Variants in ENTREP2 observed in about 807,000 individuals in gnomAD.
The protein encoded by ENTREP2 is protein ENTREP2.
chr15:29,356,275 T>C, the ENTREP2 span, among the ~76,000 whole-genome samples: 2 of 48,168 alleles, frequency 4.2e-5, no homozygotes, highest in Non-Finnish European at 8.4e-5. Flanking sequence ...TGTGTATATA[T>C]ATATATATAT....
chr15:29,607,837 C>CAGAT, the ENTREP2 span, among the ~76,000 whole-genome samples: 15,584 of 131,232 alleles, frequency 0.12, 1,329 homozygotes, highest in African/African-American at 0.28. Context: ...GACAGACAGA[C>CAGAT]AGACAGATAG....
At chr15:29,424,361 T>C in the ENTREP2 span, among the ~76,000 whole-genome samples, 2 of 152,158 alleles carry the variant, frequency 1.3e-5, no homozygotes, top group Non-Finnish European at 2.9e-5. Flanking sequence ...TACAGAGTGC[T>C]GATTGGTCCC....
At chr15:29,205,895 CT>C in the ENTREP2 span, among the ~76,000 whole-genome samples, 1 of 152,224 alleles carries the variant, frequency 6.6e-6, no homozygotes, top group South Asian at 2.1e-4. Flanking sequence ...TTTTTGCTTC[CT>C]TTGTCTCAAG....
the ENTREP2 span, among the ~76,000 whole-genome samples, chr15:29,317,906 G>A: frequency 6.6e-6 from 1 of 152,182 alleles, no homozygotes; most frequent in African/African-American, 2.4e-5. Context: ...GCCCACTCTG[G>A]CTAGCTCTCA....
the ENTREP2 span, among the ~76,000 whole-genome samples, chr15:29,298,395 G>T: frequency 5.3e-5 from 8 of 151,842 alleles, no homozygotes; most frequent in African/African-American, 1.9e-4. Context: ...AGAAAGCAAT[G>T]AAATAAAATT....
the ENTREP2 span, among the ~76,000 whole-genome samples, chr15:29,478,004 T>G: frequency 2.7e-5 from 2 of 75,220 alleles, 1 homozygote; most frequent in East Asian, 6.7e-4. Context: ...TATATATATA[T>G]ATATATATAT....
chr15:29,301,517 A>T, the ENTREP2 span, among the ~76,000 whole-genome samples: 4 of 152,212 alleles, frequency 2.6e-5, no homozygotes, highest in East Asian at 7.7e-4. Context: ...CTTAGTAAAT[A>T]AATATGGTTT....
the ENTREP2 span, among the ~76,000 whole-genome samples, chr15:29,442,723 G>C: frequency 1.3e-5 from 2 of 152,154 alleles, no homozygotes; most frequent in Non-Finnish European, 2.9e-5. Context: ...CGTGCCCCCC[G>C]ACCTGGAAAG....
chr15:29,613,317 G>T, the ENTREP2 span: 2 of 210,480 alleles, frequency 9.5e-6, no homozygotes, highest in South Asian at 6.9e-5. Context: ...CTTTGTTTTC[G>T]GTCAGTTTGG....
chr15:29,198,153 G>T, the ENTREP2 span, among the ~76,000 whole-genome samples: 1 of 152,168 alleles, frequency 6.6e-6, no homozygotes, highest in Admixed American at 6.5e-5. Context: ...GGTGGGCTTT[G>T]CGAGTGGCTT....
the ENTREP2 span, among the ~76,000 whole-genome samples, chr15:29,300,177 T>C: frequency 1.4e-5 from 2 of 148,066 alleles, no homozygotes; most frequent in Non-Finnish European, 3.0e-5. Flanking sequence ...GATGGATGGA[T>C]GGATGGATGG....
the ENTREP2 span, among the ~76,000 whole-genome samples, chr15:29,290,692 T>C: frequency 6.6e-6 from 1 of 152,230 alleles, no homozygotes; most frequent in Non-Finnish European, 1.5e-5. Flanking sequence ...TGCTGACTGA[T>C]GCTGTCTGTG....
chr15:29,521,697 T>G, the ENTREP2 span, among the ~76,000 whole-genome samples: 1 of 152,106 alleles, frequency 6.6e-6, no homozygotes, highest in African/African-American at 2.4e-5. Context: ...AGACACCCTA[T>G]AGCAATTCAG....
chr15:29,526,086 C>G, the ENTREP2 span, among the ~76,000 whole-genome samples: 1 of 152,282 alleles, frequency 6.6e-6, no homozygotes, highest in African/African-American at 2.4e-5. Context: ...AAGGTACATT[C>G]TATACCCTGA....
the ENTREP2 span, among the ~76,000 whole-genome samples, chr15:29,557,109 C>T: frequency 6.6e-6 from 1 of 152,162 alleles, no homozygotes; most frequent in African/African-American, 2.4e-5. Context: ...CACTGCCGGT[C>T]ATGTGTCAGA....
chr15:29,593,127 GTTAC>G, the ENTREP2 span, among the ~76,000 whole-genome samples: 2 of 152,194 alleles, frequency 1.3e-5, no homozygotes, highest in Admixed American at 6.5e-5. Context: ...GTCCAGATCT[GTTAC>G]TTACTAGCAC....
chr15:29,589,002 A>G, the ENTREP2 span, among the ~76,000 whole-genome samples: 26 of 152,004 alleles, frequency 1.7e-4, 1 homozygote, highest in Admixed American at 1.7e-3. Context: ...AAAAAAAAAA[A>G]AAGAAAAAAG....
At chr15:29,365,019 A>G in the ENTREP2 span, among the ~76,000 whole-genome samples, 1 of 152,144 alleles carries the variant, frequency 6.6e-6, no homozygotes, top group Non-Finnish European at 1.5e-5. Context: ...ATCCACCATT[A>G]TATTATACAG....
chr15:29,479,300 T>C, the ENTREP2 span, among the ~76,000 whole-genome samples: 1 of 151,944 alleles, frequency 6.6e-6, no homozygotes. Flanking sequence ...TGCCTTCCTC[T>C]GTGAATAAAA....
Sources: allele counts gnomAD v4.1 joint callset (sites outside exome capture counted in the v4.1 genomes callset), GRCh38; gene constraint gnomAD v4.1.1; transcripts MANE v1.5; gene names NCBI Gene and HGNC (gene_info 2026-07-23, HGNC 2026-07-21).